The following P3H3 variants were observed in gnomAD, a reference collection of about 807,000 sequenced individuals.
P3H3 encodes the protein gene rich cluster, B.
A neutral mutation model predicts 78.1 loss-of-function variants in P3H3; 64 were observed. The observed-to-expected ratio is 0.82, with a 90% CI of 0.67 to 1.01. The LOEUF is 1.01. Among genes scored for constraint, P3H3 ranks in the 50% least tolerant of loss-of-function variants. P3H3 has a pLI of 0.00. For missense variants in P3H3, 975 were observed against 982.2 expected (o/e 0.99, Z 0.10); for synonymous variants, 425 against 416.7 (o/e 1.02, Z -0.24).
At chr12:6,837,343 C>T in intron 10 of P3H3, 80 bp from the exon 11 acceptor site, 2 of 1,522,150 alleles carry the variant, frequency 1.3e-6, no homozygotes, top group South Asian at 2.4e-5. Flanking sequence ...TGGAGAGCGG[C>T]AGAGTTGGGC....
At position 6,839,051 on chromosome 12, in the gene P3H3, G is replaced by A. The variant is rs782572679; in HGVS notation, c.1957G>A (p.Glu653Lys). Reference sequence around the variant, plus strand: ...CCTTGTGGCCTTCAGCTCCGGTGTCGAGAATCCCCATGGGGTGTGGGCCGT... The same window carrying A: ...CCTTGTGGCCTTCAGCTCCGGTGTCAAGAATCCCCATGGGGTGTGGGCCGT... ...GRLVAFSSGV[E>K]NPHGVWAVTR... The change falls in exon 14 of 15, where the codon GAG becomes AAG. Residue 653 changes from glutamate to lysine, a missense_variant. Transcript: ENST00000290510. The A allele has an allele frequency of 1.2e-5, 20 of 1,611,912 alleles. No individual in the cohort carries two copies. The highest frequency in any genetic ancestry group is 2.2e-5 in the East Asian group (1 of 44,884).
At position 6,830,464 on chromosome 12, in the gene P3H3, GCTGA is replaced by G. The variant is rs1404813605; in HGVS notation, c.767_770del (p.Asp256ValfsTer63). On this transcript the variant is annotated frameshift_variant, in exon 3 of 15. Coordinates refer to ENST00000290510, the MANE Select transcript of P3H3 (RefSeq NM_014262.5). LOFTEE classifies it high-confidence loss of function. ...CCTGGCCCAGATGGAGAGCTGCCGT[GCTGA>G]CTGTGAGGGGCCTGAGGAGCAGCAG... 1.3e-6 allele frequency: 2 copies of G among 1,588,532 alleles called. No individual in the cohort carries two copies. The highest frequency in any genetic ancestry group is 1.7e-6 in the Non-Finnish European group (2 of 1,168,534).
In P3H3 at chr12:6,831,910, A is replaced by T; in HGVS notation, c.1208A>T (p.Asp403Val). Reference protein sequence around the residue: ...AMEHLGTSFKDPDPWTPAALI... With the variant: ...AMEHLGTSFKVPDPWTPAALI... ...GAGCACCTGGGGACCAGCTTCAAGG[A>T]TCCTGTGAGTCACTCCACTTCTGCC... is the stretch of plus-strand genomic sequence containing the variant. Residue 403 changes from aspartate to valine, a missense_variant, in exon 6 of 15, where the codon GAT (aspartate) becomes GTT (valine). Coordinates refer to ENST00000290510, the MANE Select transcript of P3H3 (RefSeq NM_014262.5). The surrounding 1 kb of genome is among the most constrained non-coding windows in gnomAD (Gnocchi z 4.6). The T allele has an allele frequency of 1.9e-6, 3 of 1,583,206 alleles. No homozygotes were observed. Among genetic ancestry groups the T allele is most frequent in the Non-Finnish European group, 2.6e-6 (3 of 1,155,120 alleles).
chr12:6,830,765 C>T lies in P3H3; in HGVS notation c.980C>T (p.Ala327Val), dbSNP rs781878358. Reference sequence around the variant, plus strand: ...CTGAGGCGGCTACATGAGGCCCATGCTCAGGGTCAGTTGGGGAAGGGTGGA... The same window carrying T: ...CTGAGGCGGCTACATGAGGCCCATGTTCAGGGTCAGTTGGGGAAGGGTGGA... ...NQLRRLHEAH[A>V]QVGNLSQAIE... The change falls in exon 4 of 15, where the codon GCT (alanine) becomes GTT (valine). Residue 327 changes from alanine to valine, a missense_variant. By Grantham distance (64) the Ala-to-Val change is moderately conservative (BLOSUM62 0). Transcript: ENST00000290510. 1.2e-6 allele frequency: 2 copies of T among 1,613,848 alleles called. No homozygotes were observed. Among genetic ancestry groups the T allele is most frequent in the Non-Finnish European group, 1.7e-6 (2 of 1,179,874 alleles).
intron 14 of P3H3, 35 bp from the exon 15 acceptor site, chr12:6,839,262 C>T (rs1555122711): frequency 6.4e-7 from 1 of 1,556,818 alleles, no homozygotes; most frequent in Non-Finnish European, 8.7e-7. Context: ...AAGGTGGGTG[C>T]AGGGAATGGG....
At chr12:6,834,675 C>T (rs1943478538) in intron 9 of P3H3, 1 of 152,872 alleles carries the variant, frequency 6.5e-6, no homozygotes, top group African/African-American at 2.4e-5. Flanking sequence ...GTGGCTCATG[C>T]CTGTAATCCC....
At chr12:6,834,748 C>T (rs1423534717) in intron 9 of P3H3, 1 of 152,104 alleles carries the variant, frequency 6.6e-6, no homozygotes, top group Non-Finnish European at 1.5e-5. Context: ...CCAGCCTGAC[C>T]AACATGGAGA....
intron 10 of P3H3, 142 bp downstream of exon 10, chr12:6,837,228 A>G: frequency 2.0e-6 from 2 of 996,390 alleles, no homozygotes; most frequent in Admixed American, 4.9e-5. Flanking sequence ...GCGTGGAGAA[A>G]AGGGATGTTC....
At position 6,829,155 on chromosome 12, in the gene P3H3, T is replaced by C. The variant is rs1238627330; in HGVS notation, c.498+217T>C. 1 of 391,428 alleles carries C rather than the reference T, an allele frequency of 2.6e-6. No homozygotes were observed. The highest frequency in any genetic ancestry group is 4.5e-6 in the Non-Finnish European group (1 of 222,478). The allele number at this position is 391,428 out of a possible 1,614,324, so 24.2% of individuals were successfully genotyped here. Reference sequence around the variant, plus strand: ...AGGGGGAGTGCGAGCAGAATGGGAATGGGGCGGGGAGGTCGTGAGGTGGGA... The same window carrying C: ...AGGGGGAGTGCGAGCAGAATGGGAACGGGGCGGGGAGGTCGTGAGGTGGGA... On this transcript the variant is annotated intron_variant, in intron 1 of 14. Coordinates refer to ENST00000290510, the MANE Select transcript of P3H3 (RefSeq NM_014262.5). This position sits in a 1 kb window ranked among gnomAD's most constrained non-coding sequence, Gnocchi z 5.1.
At position 6,828,619 on chromosome 12, in the gene P3H3, T is replaced by A; in HGVS notation, c.179T>A (p.Leu60Gln). Residue 60 changes from leucine to glutamine, a missense_variant, in exon 1 of 15, where the codon CTG (leucine) becomes CAG (glutamine). By Grantham distance (113) the Leu-to-Gln change is moderately radical. Coordinates refer to ENST00000290510, the MANE Select transcript of P3H3 (RefSeq NM_014262.5). ...GCTTGGGCGCCGGCCGTGGCGCTGC[T>A]GCGGGAGGCGCTGCGGAGCCAGGCG... ...AGAWAPAVAL[L>Q]REALRSQAAL... 8.2e-7 allele frequency: 1 copy of A among 1,216,474 alleles called. No homozygotes were observed. Among genetic ancestry groups the A allele is most frequent in the Non-Finnish European group, 1.0e-6 (1 of 978,638 alleles). The allele number at this position is 1,216,474 out of a possible 1,614,324, so 75.4% of individuals were successfully genotyped here.
chr12:6,829,950 A>G lies in P3H3; in HGVS notation c.590A>G (p.Tyr197Cys). The stretch of plus-strand genomic sequence containing the variant: ...CAGATGCGGGAGGACATGGCTAAGT[A>G]CAGACGAATGTCGGGAGTTCGGCCC... ...HLQMREDMAK[Y>C]RRMSGVRPQS... Residue 197 changes from tyrosine (Y) to cysteine (C), a missense_variant, in exon 2 of 15, where the codon TAC becomes TGC. Transcript: ENST00000290510. This position sits in a 1 kb window ranked among gnomAD's most constrained non-coding sequence, Gnocchi z 5.1. 2 of 1,614,032 alleles carry G rather than the reference A, an allele frequency of 1.2e-6. No individual in the cohort carries two copies. Among genetic ancestry groups the G allele is most frequent in the South Asian group, 1.1e-5 (1 of 91,086 alleles).
chr12:6,837,826 A>G lies in P3H3; in HGVS notation c.1806A>G (p.Pro602=). The G allele has an allele frequency of 6.2e-7, 1 of 1,611,884 alleles. No individual in the cohort carries two copies. The highest frequency in any genetic ancestry group is 2.2e-5 in the East Asian group (1 of 44,816). The change falls in exon 12 of 15, where the codon CCA becomes CCG. Residue 602 remains proline (P), a synonymous_variant. Coordinates refer to ENST00000290510, the MANE Select transcript of P3H3 (RefSeq NM_014262.5). ...PDTGECWREP[P]AYTYRDYSGL... ...CGGGAGAGTGCTGGCGGGAGCCCCC[A>G]GCCTACACCTATCGGGACTACAGGT...
intron 13 of P3H3, 157 bp downstream of exon 13, chr12:6,838,190 G>A: frequency 1.0e-6 from 1 of 999,256 alleles, no homozygotes; most frequent in Non-Finnish European, 1.5e-6. Flanking sequence ...TTCCTCCGTA[G>A]CAAGGTCTCT....
In P3H3 at chr12:6,833,608, C is replaced by T. The variant is rs782375761; in HGVS notation, c.1229C>T (p.Ala410Val). Reference sequence around the variant, plus strand: ...CTGTCGCAGGACCCCTGGACCCCTGCAGCTCTCATCCCTGAGGCACTTAGA... The same window carrying T: ...CTGTCGCAGGACCCCTGGACCCCTGTAGCTCTCATCCCTGAGGCACTTAGA... ...SFKDPDPWTP[A>V]ALIPEALREK... Residue 410 changes from alanine (A) to valine (V), a missense_variant, in exon 7 of 15, where the codon GCA becomes GTA. Ala to Val is a moderately conservative substitution (Grantham distance 64). Coordinates refer to ENST00000290510, the MANE Select transcript of P3H3 (RefSeq NM_014262.5). 4 of 1,613,946 alleles carry T rather than the reference C, an allele frequency of 2.5e-6. No homozygotes were observed. In the Admixed American group the frequency reaches 5.0e-5, roughly 20 times the overall value.
chr12:6,833,704 G>T (rs781942338), intron 7 of P3H3, 38 bp from the exon 8 acceptor site: 12 of 1,600,724 alleles, frequency 7.5e-6, no homozygotes, highest in Non-Finnish European at 9.4e-6. Flanking sequence ...GGTCTGGACT[G>T]TCCTGGGCAC....
chr12:6,830,879 C>T (rs782714251), intron 4 of P3H3, 109 bp downstream of exon 4: 11 of 1,489,566 alleles, frequency 7.4e-6, no homozygotes, highest in East Asian at 2.3e-5. Context: ...GTTTCACTGT[C>T]AGGGCTGCAT....
Position 6,829,151 on chromosome 12 carries a change from G to T in P3H3, c.498+213G>T. On this transcript the variant is annotated intron_variant, in intron 1 of 14. Coordinates refer to ENST00000290510, the MANE Select transcript of P3H3 (RefSeq NM_014262.5). The surrounding 1 kb of genome is among the most constrained non-coding windows in gnomAD (Gnocchi z 5.1). ...GCCGAGGGGGAGTGCGAGCAGAATG[G>T]GAATGGGGCGGGGAGGTCGTGAGGT... is the stretch of plus-strand genomic sequence containing the variant. 1 of 395,036 alleles carries T rather than the reference G, an allele frequency of 2.5e-6. No homozygotes were observed. Among genetic ancestry groups the T allele is most frequent in the Non-Finnish European group, 4.5e-6 (1 of 224,522 alleles). 24.5% of individuals were successfully genotyped at this position (395,036 alleles called of 1,614,324 possible).
intron 2 of P3H3, 64 bp downstream of exon 2, chr12:6,830,075 C>T: frequency 1.3e-6 from 2 of 1,591,436 alleles, no homozygotes; most frequent in Non-Finnish European, 1.7e-6. Context: ...ACACAGGCCT[C>T]ACTAAACTGT....
At position 6,837,842 on chromosome 12, in the gene P3H3, G is replaced by C. The variant is rs782106634; in HGVS notation, c.1822G>C (p.Asp608His). 1.2e-6 allele frequency: 2 copies of C among 1,609,440 alleles called. No homozygotes were observed. The highest frequency in any genetic ancestry group is 1.7e-6 in the Non-Finnish European group (2 of 1,177,924). ...WREPPAYTYR[D>H]YSGLLYLNDD... ...GGAGCCCCCAGCCTACACCTATCGG[G>C]ACTACAGGTGGGCAGCCCCTCTAGT... Residue 608 changes from aspartate to histidine, a missense_variant, in exon 12 of 15, where the codon GAC becomes CAC. Coordinates refer to ENST00000290510, the MANE Select transcript of P3H3 (RefSeq NM_014262.5).
Sources: gnomAD v4.1 joint callset for allele counts on GRCh38, gnomAD v4.1.1 for gene constraint, Gnocchi (gnomAD v3.1) non-coding constraint, MANE v1.5 for transcripts, NCBI Gene and HGNC (gene_info 2026-07-23, HGNC 2026-07-21) for gene names.